Variants in TG observed in about 807,000 individuals in gnomAD.
TG encodes the protein thyroid hormones.
A neutral mutation model predicts 324.7 loss-of-function variants in TG; 270 were observed. That is an observed-to-expected ratio of 0.83 (90% CI 0.75 to 0.92). The LOEUF (loss-of-function observed/expected upper bound fraction) is 0.92. Among genes scored for constraint, TG ranks in the 40% least tolerant of loss-of-function variants. The pLI, the probability that TG is intolerant of heterozygous loss-of-function variation, is 0.00. For missense variants in TG, 3,591 were observed against 3,456.4 expected (o/e 1.04, Z -0.98); for synonymous variants, 1,401 against 1,327.0 (o/e 1.06, Z -1.21).
In TG at chr8:132,929,089, T is replaced by C. The variant is rs755948833; in HGVS notation, c.4713T>C (p.Phe1571=). The change falls in exon 23 of 48, where the codon TTT becomes TTC. Residue 1571 remains phenylalanine (F), a synonymous_variant. Coordinates refer to ENST00000220616, the MANE Select transcript of TG (RefSeq NM_003235.5). Reference sequence around the variant, plus strand: ...CTTTATTTTTAGTGATGCAGAAGTTTGAGAAGGTTCCAGAATCAAAGGTGA... The same window carrying C: ...CTTTATTTTTAGTGATGCAGAAGTTCGAGAAGGTTCCAGAATCAAAGGTGA... ...EDSQCLMMQK[F]EKVPESKVIF... 22 of 1,613,976 alleles carry C rather than the reference T, an allele frequency of 1.4e-5. No homozygotes were observed. The East Asian group carries it at 4.5e-4, about 33-fold the overall frequency.
chr8:132,983,709 C>G (rs1266303699), intron 35 of TG: 6 of 490,344 alleles, frequency 1.2e-5, no homozygotes, highest in Non-Finnish European at 1.9e-5. Context: ...TTATTTCGCC[C>G]TATCGAGTAA....
At chr8:132,894,043 T>C in intron 11 of TG, 114 bp downstream of exon 11, 2 of 1,536,128 alleles carry the variant, frequency 1.3e-6, no homozygotes, top group Non-Finnish European at 8.9e-7. Context: ...CCCAGACTGA[T>C]GGGTTCTTGG....
chr8:132,930,184 G>A (rs1822493478), intron 23 of TG, among the ~76,000 whole-genome samples: 1 of 152,206 alleles, frequency 6.6e-6, no homozygotes, highest in East Asian at 1.9e-4. Context: ...CACAGTGCAA[G>A]GCATGAAGTA....
At chr8:133,118,981 A>T (rs1850929571) in intron 45 of TG, among the ~76,000 whole-genome samples, 1 of 152,196 alleles carries the variant, frequency 6.6e-6, no homozygotes, top group Non-Finnish European at 1.5e-5. Flanking sequence ...AGGCAATGTG[A>T]TCACAGAGAC....
intron 8 of TG, among the ~76,000 whole-genome samples, chr8:132,883,757 A>AGG (rs1587233901): frequency 6.6e-6 from 1 of 152,204 alleles, no homozygotes; most frequent in East Asian, 1.9e-4. Flanking sequence ...TCCGGAGGCA[A>AGG]CGGGGCTAAT....
chr8:133,115,079 C>A (rs1048995068), intron 44 of TG, among the ~76,000 whole-genome samples: 5 of 152,176 alleles, frequency 3.3e-5, no homozygotes, highest in African/African-American at 4.8e-5. Flanking sequence ...CAAGTCAGGA[C>A]TGGGCTAGAT....
At chr8:132,912,737 C>G (rs1441667946) in intron 19 of TG, among the ~76,000 whole-genome samples, 1 of 152,180 alleles carries the variant, frequency 6.6e-6, no homozygotes, top group Non-Finnish European at 1.5e-5. Flanking sequence ...GTATCTGAAT[C>G]TTGAACCTTA....
chr8:132,987,263 T>C (rs905270878), intron 35 of TG, among the ~76,000 whole-genome samples: 1 of 152,234 alleles, frequency 6.6e-6, no homozygotes, highest in Non-Finnish European at 1.5e-5. Context: ...CTAAGAATTT[T>C]GGCATGTTCC....
Position 132,897,638 on chromosome 8 carries a change from C to T in TG, c.3002-11C>T, listed in dbSNP as rs776509953. The T allele has an allele frequency of 5.6e-6, 9 of 1,614,034 alleles. No individual in the cohort carries two copies. In the African/African-American group the frequency reaches 9.3e-5, roughly 17 times the overall value. ...TGGTCATATTCTGCTTTTCTCCTTC[C>T]CTGACTCCAGCCTTAAGCTTCTATC... On this transcript the variant is annotated splice_polypyrimidine_tract_variant and intron_variant, in intron 11 of 47. Coordinates refer to ENST00000220616, the MANE Select transcript of TG (RefSeq NM_003235.5).
intron 23 of TG, among the ~76,000 whole-genome samples, chr8:132,929,825 T>C (rs1423464725): frequency 1.3e-5 from 2 of 152,208 alleles, no homozygotes; most frequent in Non-Finnish European, 2.9e-5. Flanking sequence ...CTAAAAGCTA[T>C]TGAAATAAAA....
In TG at chr8:133,067,919, G is replaced by GAAGA. The variant is rs369124794; in HGVS notation, c.7240-27124_7240-27123insAGAA. ...GGAAGGAAGGAAGGAAGGAAGGAAA[G>GAAGA]AGAGAGAGAGAGAAAGAAAGAAAGA... On this transcript the variant is annotated intron_variant, in intron 41 of 47. Coordinates refer to ENST00000220616, the MANE Select transcript of TG (RefSeq NM_003235.5). 5.4e-4 allele frequency among the ~76,000 whole-genome samples: 46 copies of GAAGA among 85,894 alleles called. 2 individuals carry two copies. The East Asian group carries it at 0.01, about 19-fold the overall frequency. The allele number at this position is 85,894 out of a possible 152,430, so 56.3% of individuals were successfully genotyped here. A position where few individuals can be genotyped will look rare whatever the true frequency, so the allele number is the denominator to read the frequency against.
rs567804912 is a variant in TG at position 132,939,160 on chromosome 8, C to T, written c.5042-2191C>T. Among the ~76,000 whole-genome samples, 295 of 152,150 alleles carry T rather than the reference C, an allele frequency of 1.9e-3. 1 individual carries two copies. Among genetic ancestry groups the T allele is most frequent in the Non-Finnish European group, 3.8e-3 (256 of 68,006 alleles). The stretch of plus-strand genomic sequence containing the variant: ...GTGGCCCTGGACTCCAGAGCAGCAC[C>T]GTCCAATGGAACCTTTGGCAGTGAT... On this transcript the variant is annotated intron_variant, in intron 25 of 47. Transcript: ENST00000220616.
chr8:132,930,095 G>A (rs990851313), intron 23 of TG, among the ~76,000 whole-genome samples: 6 of 152,198 alleles, frequency 3.9e-5, no homozygotes, highest in Non-Finnish European at 7.3e-5. Flanking sequence ...TAGTTATTAA[G>A]TAATTAACAC....
rs853319 is a variant in TG, at chr8:132,907,041, G to A, written c.3847+141G>A. On this transcript the variant is annotated intron_variant, in intron 17 of 47. Transcript: ENST00000220616. ...GTATGCCAGATGGCACCAAGAGATG[G>A]GAGAGAGTCCCATGGAGCATTTTCT... 0.57 allele frequency: 488,834 copies of A among 861,292 alleles called. 147,703 individuals carry two copies. The highest frequency in any genetic ancestry group is 0.62 in the Non-Finnish European group (330,178 of 536,042). The allele number at this position is 861,292 out of a possible 1,614,324, so 53.4% of individuals were successfully genotyped here.
intron 2 of TG, among the ~76,000 whole-genome samples, chr8:132,869,354 C>T (rs1168313957): frequency 6.6e-6 from 1 of 152,188 alleles, no homozygotes; most frequent in African/African-American, 2.4e-5. Context: ...ACATCCCACC[C>T]CCAAGCCCCC....
chr8:133,106,730 C>T (rs963818385), intron 43 of TG, among the ~76,000 whole-genome samples: 6 of 152,174 alleles, frequency 3.9e-5, no homozygotes, highest in Non-Finnish European at 5.9e-5. Context: ...GTTCTATGCA[C>T]GAATCTTGTT....
rs751065289 is a variant in TG at position 132,961,020 on chromosome 8, T to C, written c.5414T>C (p.Leu1805Ser). Residue 1805 changes from leucine to serine, a missense_variant, in exon 28 of 48, where the codon TTA becomes TCA. Coordinates refer to ENST00000220616, the MANE Select transcript of TG (RefSeq NM_003235.5). The part of the protein sequence containing the change: ...DQEFIKSLTP[L>S]EGTQDTFTNF... ...TCTTCCTTTGCAGGTCTGACACCCT[T>C]AGAAGGAACTCAAGACACCTTTACC... 4 of 1,613,998 alleles carry C rather than the reference T, an allele frequency of 2.5e-6. No homozygotes were observed. Among genetic ancestry groups the C allele is most frequent in the Non-Finnish European group, 3.4e-6 (4 of 1,179,910 alleles).
chr8:133,081,210 C>T (rs963232522), intron 41 of TG, among the ~76,000 whole-genome samples: 4 of 152,260 alleles, frequency 2.6e-5, no homozygotes, highest in South Asian at 2.1e-4. Context: ...GGAGCCTGAG[C>T]TTGGGAAGGC....
intron 24 of TG, among the ~76,000 whole-genome samples, chr8:132,934,359 A>T (rs1823248187): frequency 6.6e-6 from 1 of 152,026 alleles, no homozygotes; most frequent in Admixed American, 6.6e-5. Flanking sequence ...AAAACCTATA[A>T]TTGTGGCTTA....
Sources: gnomAD v4.1 joint callset for allele counts (sites outside exome capture counted in the v4.1 genomes callset) on GRCh38, gnomAD v4.1.1 for gene constraint, MANE v1.5 for transcripts, NCBI Gene and HGNC (gene_info 2026-07-23, HGNC 2026-07-21) for gene names.